Variants in DCC observed in about 807,000 individuals in gnomAD.
DCC encodes DCC netrin 1 receptor, also known as netrin receptor DCC.
Under a neutral mutation model 172.5 loss-of-function variants are expected in DCC, and 58 were observed. The ratio of observed to expected loss-of-function variants is 0.34; its 90% CI spans 0.27 to 0.42. The LOEUF (loss-of-function observed/expected upper bound fraction) is 0.42. Among genes scored for constraint, DCC ranks in the 10% least tolerant of loss-of-function variants. The probability of loss-of-function intolerance (pLI) is 1.00; values close to 1 mark genes in which losing one functional copy is unlikely to be tolerated. For missense variants in DCC, 1,740 were observed against 1,791.0 expected, an observed-to-expected ratio of 0.97 and a Z score of 0.51; for synonymous variants, 709 against 644.5, an observed-to-expected ratio of 1.10 and a Z score of -1.52.
intron 15 of DCC, among the ~76,000 whole-genome samples, chr18:53,358,051 C>T (rs969828815): frequency 6.6e-6 from 1 of 151,940 alleles, no homozygotes; most frequent in African/African-American, 2.4e-5. Flanking sequence ...ATTGTAAATG[C>T]TTCTTATTTA....
At chr18:53,020,675 C>T (rs1207569694) in intron 5 of DCC, among the ~76,000 whole-genome samples, 1 of 152,160 alleles carries the variant, frequency 6.6e-6, no homozygotes, top group East Asian at 1.9e-4. Flanking sequence ...ATAATTGCAT[C>T]TTCTCATATG....
chr18:53,530,550 C>T lies in DCC; in HGVS notation c.4255-14C>T. ...ATATTTGTTACTAACTCTTGGCTCTCATTCTCTTTATAGGTGTATGAACAG... is the reference window on the plus strand; with the variant it reads ...ATATTTGTTACTAACTCTTGGCTCTTATTCTCTTTATAGGTGTATGAACAG... On this transcript the variant is annotated splice_polypyrimidine_tract_variant and intron_variant, in intron 28 of 28. Transcript: ENST00000442544. The T allele has an allele frequency of 7.1e-7, 1 of 1,403,568 alleles. No individual in the cohort carries two copies. Among genetic ancestry groups the T allele is most frequent in the South Asian group, 1.2e-5 (1 of 86,812 alleles). The allele number at this position is 1,403,568 out of a possible 1,614,324, so 86.9% of individuals were successfully genotyped here.
At chr18:52,520,489 T>C (rs1301230024) in intron 1 of DCC, among the ~76,000 whole-genome samples, 1 of 152,154 alleles carries the variant, frequency 6.6e-6, no homozygotes, top group Non-Finnish European at 1.5e-5. Flanking sequence ...TAGAGTAATA[T>C]TAATGGTAGG....
chr18:52,683,935 A>T (rs1436847452), intron 1 of DCC, among the ~76,000 whole-genome samples: 1 of 152,142 alleles, frequency 6.6e-6, no homozygotes, highest in Admixed American at 6.6e-5. Flanking sequence ...ATGCATTTGA[A>T]TAAAATTGAA....
At chr18:53,483,266 A>G (rs1265892435) in intron 25 of DCC, among the ~76,000 whole-genome samples, 1 of 151,892 alleles carries the variant, frequency 6.6e-6, no homozygotes, top group Non-Finnish European at 1.5e-5. Flanking sequence ...TTCATAAAAT[A>G]TCTTTATTGA....
chr18:53,526,330 G>A (rs1475759988), intron 27 of DCC, among the ~76,000 whole-genome samples: 1 of 152,092 alleles, frequency 6.6e-6, no homozygotes, highest in Non-Finnish European at 1.5e-5. Context: ...TATAGGGTGT[G>A]ATGAACAGTC....
chr18:53,490,941 T>G (rs1156714967), intron 26 of DCC, among the ~76,000 whole-genome samples: 1 of 152,190 alleles, frequency 6.6e-6, no homozygotes, highest in Admixed American at 6.5e-5. Context: ...AAATTGTCCC[T>G]TAGGGATTGG....
chr18:53,204,549 GAAA>G (rs71175567), intron 9 of DCC, among the ~76,000 whole-genome samples: 51,548 of 140,160 alleles, frequency 0.37, 9,752 homozygotes, highest in Non-Finnish European at 0.46. Context: ...TCTGTTTCTG[GAAA>G]AAAAAAAAAA....
At chr18:52,995,063 A>C (rs2041456827) in intron 5 of DCC, among the ~76,000 whole-genome samples, 1 of 152,178 alleles carries the variant, frequency 6.6e-6, no homozygotes, top group African/African-American at 2.4e-5. Flanking sequence ...TGCCTAAATT[A>C]ACATGAATTT....
At chr18:53,219,007 T>G (rs1237920668) in intron 12 of DCC, among the ~76,000 whole-genome samples, 1 of 152,122 alleles carries the variant, frequency 6.6e-6, no homozygotes, top group Admixed American at 6.6e-5. Flanking sequence ...AGAATTCAAG[T>G]TGCTTGGGTC....
chr18:53,032,103 T>C (rs934831448), intron 5 of DCC, among the ~76,000 whole-genome samples: 1 of 152,124 alleles, frequency 6.6e-6, no homozygotes, highest in Admixed American at 6.6e-5. Context: ...GACAATGTCA[T>C]CATCTAGAAA....
intron 2 of DCC, among the ~76,000 whole-genome samples, chr18:52,885,340 TCTA>T (rs1177370718): frequency 6.6e-6 from 1 of 152,092 alleles, no homozygotes; most frequent in Non-Finnish European, 1.5e-5. Context: ...GATGTTCTCT[TCTA>T]CTATGGTTAA....
chr18:52,693,046 T>C (rs1208542598), intron 1 of DCC, among the ~76,000 whole-genome samples: 1 of 152,090 alleles, frequency 6.6e-6, no homozygotes, highest in Non-Finnish European at 1.5e-5. Context: ...CCTGCTTTTC[T>C]CTAAAAGGAG....
At chr18:53,488,832 C>T (rs531908483) in intron 26 of DCC, among the ~76,000 whole-genome samples, 3 of 152,158 alleles carry the variant, frequency 2.0e-5, no homozygotes, top group East Asian at 3.9e-4. Flanking sequence ...TCTTGTGAAC[C>T]TCAAATGCCT....
At chr18:53,492,021 G>GTATC (rs1259832109) in intron 26 of DCC, among the ~76,000 whole-genome samples, 2 of 152,204 alleles carry the variant, frequency 1.3e-5, no homozygotes, top group East Asian at 1.9e-4. Flanking sequence ...GCCTGAGATG[G>GTATC]TATCTCATTG....
chr18:52,425,106 A>G (rs1987380605), intron 1 of DCC, among the ~76,000 whole-genome samples: 1 of 152,072 alleles, frequency 6.6e-6, no homozygotes. Context: ...GATAGTGCTG[A>G]TAAGTTTAGA....
intron 24 of DCC, among the ~76,000 whole-genome samples, chr18:53,460,937 G>A (rs987364882): frequency 2.8e-4 from 43 of 151,700 alleles, no homozygotes; most frequent in Non-Finnish European, 1.5e-5. Context: ...TCCTCTCCAG[G>A]ACCTGTTGTT....
At chr18:52,719,894 G>A (rs2036447017) in intron 1 of DCC, among the ~76,000 whole-genome samples, 1 of 152,192 alleles carries the variant, frequency 6.6e-6, no homozygotes, top group Non-Finnish European at 1.5e-5. Context: ...GGGATAAGGA[G>A]TGGGTGCCTG....
chr18:53,455,799 A>C (rs895252145), intron 23 of DCC, among the ~76,000 whole-genome samples: 34 of 152,204 alleles, frequency 2.2e-4, no homozygotes, highest in African/African-American at 7.5e-4. Flanking sequence ...GCCGCAGTGC[A>C]TGCTCCTCAT....
Sources: gnomAD v4.1 joint callset for allele counts (sites outside exome capture counted in the v4.1 genomes callset) on GRCh38, gnomAD v4.1.1 for gene constraint, MANE v1.5 for transcripts, NCBI Gene and HGNC (gene_info 2026-07-23, HGNC 2026-07-21) for gene names.